The following HSD17B12 variants were observed in gnomAD, a reference collection of about 807,000 sequenced individuals.
HSD17B12 encodes hydroxysteroid 17-beta dehydrogenase 12.
In HSD17B12, 32 loss-of-function variants were observed where a neutral mutation model predicts 39.3. That is an observed-to-expected ratio of 0.81 (90% CI 0.61 to 1.09). The LOEUF is 1.09. Among genes scored for constraint, HSD17B12 ranks in the 50% least tolerant of loss-of-function variants. The pLI, the probability that HSD17B12 is intolerant of heterozygous loss-of-function variation, is 0.00. For synonymous variants in HSD17B12, 150 were observed against 146.7 expected (o/e 1.02, Z -0.16); for missense variants, 342 against 382.9 (o/e 0.89, Z 0.89).
At chr11:43,824,556 A>G (rs1951214037) in intron 6 of HSD17B12, among the ~76,000 whole-genome samples, 1 of 152,142 alleles carries the variant, frequency 6.6e-6, no homozygotes, top group Non-Finnish European at 1.5e-5. Context: ...GTGGCAGAAG[A>G]GGCAAACAAG....
chr11:43,564,927 T>C, the HSD17B12 span, among the ~76,000 whole-genome samples: 2 of 150,708 alleles, frequency 1.3e-5, no homozygotes, highest in Admixed American at 1.3e-4. Context: ...TGAGACAGAT[T>C]CTCACTCTGT....
chr11:43,639,560 TG>T, the HSD17B12 span, among the ~76,000 whole-genome samples: 3 of 152,106 alleles, frequency 2.0e-5, no homozygotes, highest in African/African-American at 7.2e-5. Flanking sequence ...CTGTTGCTTC[TG>T]CCCTAGAAAT....
At chr11:43,663,804 T>C in the HSD17B12 span, among the ~76,000 whole-genome samples, 6 of 152,172 alleles carry the variant, frequency 3.9e-5, no homozygotes, top group African/African-American at 1.2e-4. Flanking sequence ...ACGCTTAAGA[T>C]TCAACCCCTC....
At chr11:43,596,377 A>G in the HSD17B12 span, among the ~76,000 whole-genome samples, 1 of 152,100 alleles carries the variant, frequency 6.6e-6, no homozygotes, top group East Asian at 1.9e-4. Context: ...AGAAAAAAAA[A>G]GATGGTGTGC....
At chr11:43,721,906 A>T (rs550536583) in intron 1 of HSD17B12, among the ~76,000 whole-genome samples, 5 of 152,302 alleles carry the variant, frequency 3.3e-5, no homozygotes, top group African/African-American at 9.6e-5. Flanking sequence ...TAAATAGACT[A>T]GTGGCAAAGG....
At chr11:43,635,669 G>C in the HSD17B12 span, among the ~76,000 whole-genome samples, 1 of 152,182 alleles carries the variant, frequency 6.6e-6, no homozygotes, top group Admixed American at 6.5e-5. Flanking sequence ...AGAGTAGCCA[G>C]TATCATGGTA....
the HSD17B12 span, among the ~76,000 whole-genome samples, chr11:43,583,956 C>A: frequency 6.6e-6 from 1 of 152,082 alleles, no homozygotes; most frequent in Non-Finnish European, 1.5e-5. Flanking sequence ...TGTTAAAAAT[C>A]AAGACCAGGG....
At chr11:43,815,565 C>G (rs1951114538) in intron 5 of HSD17B12, 64 bp downstream of exon 5, 1 of 950,356 alleles carries the variant, frequency 1.1e-6, no homozygotes. Flanking sequence ...TATAATGATT[C>G]ACACTATGAC....
At chr11:43,794,328 A>G (rs1950896644) in intron 3 of HSD17B12, among the ~76,000 whole-genome samples, 1 of 152,212 alleles carries the variant, frequency 6.6e-6, no homozygotes, top group African/African-American at 2.4e-5. Flanking sequence ...TTTAAACAAA[A>G]CATTTGAATA....
chr11:43,708,517 C>G (rs1950035982), intron 1 of HSD17B12, among the ~76,000 whole-genome samples: 1 of 152,062 alleles, frequency 6.6e-6, no homozygotes, highest in South Asian at 2.1e-4. Flanking sequence ...AATAATTATG[C>G]AAAAAATAAG....
the HSD17B12 span, among the ~76,000 whole-genome samples, chr11:43,668,489 G>C: frequency 6.6e-6 from 1 of 151,924 alleles, no homozygotes; most frequent in Non-Finnish European, 1.5e-5. Flanking sequence ...TCCCACACAA[G>C]GTAACATTCA....
At chr11:43,817,058 A>ATC (rs1554970329) in intron 6 of HSD17B12, among the ~76,000 whole-genome samples, 12 of 139,776 alleles carry the variant, frequency 8.6e-5, no homozygotes, top group South Asian at 4.4e-4. Flanking sequence ...ATATATATAT[A>ATC]TCTCGTGGTT....
At chr11:43,648,623 G>A in the HSD17B12 span, among the ~76,000 whole-genome samples, 1 of 152,278 alleles carries the variant, frequency 6.6e-6, no homozygotes, top group Non-Finnish European at 1.5e-5. Context: ...GAATAAAGCA[G>A]TTCTATATGT....
At chr11:43,674,919 T>C in the HSD17B12 span, among the ~76,000 whole-genome samples, 1 of 152,256 alleles carries the variant, frequency 6.6e-6, no homozygotes, top group Non-Finnish European at 1.5e-5. Context: ...TTTCCTTATG[T>C]CCTATTATTT....
chr11:43,659,161 CA>C, the HSD17B12 span, among the ~76,000 whole-genome samples: 1 of 152,232 alleles, frequency 6.6e-6, no homozygotes, highest in African/African-American at 2.4e-5. Flanking sequence ...TAGCAATGAG[CA>C]AGGCTCCATG....
chr11:43,685,381 T>C (rs530078916), intron 1 of HSD17B12, among the ~76,000 whole-genome samples: 37 of 152,338 alleles, frequency 2.4e-4, no homozygotes, highest in African/African-American at 8.4e-4. Context: ...GAAGAATACT[T>C]GTGTAACTAG....
At chr11:43,763,527 T>C (rs1054800727) in intron 3 of HSD17B12, among the ~76,000 whole-genome samples, 2 of 151,178 alleles carry the variant, frequency 1.3e-5, no homozygotes, top group African/African-American at 4.8e-5. Context: ...TCTCAACAAC[T>C]GGTTCCAGAC....
chr11:43,796,976 T>C (rs73540462), intron 3 of HSD17B12, among the ~76,000 whole-genome samples: 1,707 of 152,304 alleles, frequency 0.011, 39 homozygotes, highest in African/African-American at 0.039. Context: ...GTCTCTAACT[T>C]CCCATTACAT....
In HSD17B12 at chr11:43,816,455, T is replaced by A. The variant is rs1447136322; in HGVS notation, c.501+64T>A. 3 of 1,387,150 alleles carry A rather than the reference T, an allele frequency of 2.2e-6. No individual in the cohort carries two copies. The South Asian group carries it at 4.3e-5, about 20-fold the overall frequency. The allele number at this position is 1,387,150 out of a possible 1,614,324, so 85.9% of individuals were successfully genotyped here. A position where few individuals can be genotyped will look rare whatever the true frequency, so the allele number is the denominator to read the frequency against. ...TTCCTTCTATTCAAAAACACTGACA[T>A]AATCAGCTTGTTCACCTGAGTCTAC... On this transcript the variant is annotated intron_variant, in intron 6 of 10. Coordinates refer to ENST00000278353, the MANE Select transcript of HSD17B12 (RefSeq NM_016142.3).
Sources: gnomAD v4.1 joint callset for allele counts (sites outside exome capture counted in the v4.1 genomes callset) on GRCh38, gnomAD v4.1.1 for gene constraint, MANE v1.5 for transcripts, NCBI Gene and HGNC (gene_info 2026-07-23, HGNC 2026-07-21) for gene names.